C10orf67: variants seen among roughly 807,000 people sequenced by gnomAD.
C10orf67 encodes the protein chromosome 10 open reading frame 67, also known as uncharacterized protein C10orf67, mitochondrial.
Under a neutral mutation model 35.6 loss-of-function variants are expected in C10orf67, and 60 were observed. The observed-to-expected ratio is 1.68, with a 90% CI of 1.37 to 2.09. C10orf67 has a LOEUF of 2.09. Ranked by LOEUF, C10orf67 falls within the 30% of genes most tolerant of loss-of-function variation. The probability of loss-of-function intolerance (pLI) is 0.00; values close to 1 mark genes in which losing one functional copy is unlikely to be tolerated. For synonymous variants in C10orf67, 167 were observed against 115.8 expected, an observed-to-expected ratio of 1.44 and a Z score of -2.84; for missense variants, 474 against 330.2, an observed-to-expected ratio of 1.44 and a Z score of -3.38.
At chr10:23,225,995 C>CT (rs1409495720) in intron 13 of C10orf67, among the ~76,000 whole-genome samples, 1 of 152,074 alleles carries the variant, frequency 6.6e-6, no homozygotes, top group Non-Finnish European at 1.5e-5. Flanking sequence ...TAATGGGAGA[C>CT]TTTAACACCC....
intron 4 of C10orf67, among the ~76,000 whole-genome samples, chr10:23,306,672 G>C (rs1180920207): frequency 6.6e-6 from 1 of 152,084 alleles, no homozygotes; most frequent in Non-Finnish European, 1.5e-5. Context: ...TGGTGACTAT[G>C]GTTAATAACG....
chr10:23,261,683 C>G (rs1030004029), intron 10 of C10orf67, among the ~76,000 whole-genome samples: 1 of 152,134 alleles, frequency 6.6e-6, no homozygotes, highest in Non-Finnish European at 1.5e-5. Flanking sequence ...CATAAGCTAA[C>G]ACAACTTAAG....
chr10:23,253,655 T>C (rs998568439), intron 10 of C10orf67, among the ~76,000 whole-genome samples: 4 of 152,214 alleles, frequency 2.6e-5, no homozygotes, highest in African/African-American at 7.2e-5. Context: ...AGTGATTGAA[T>C]GCTTATTTAA....
chr10:23,259,729 C>A (rs1588624911), intron 10 of C10orf67, among the ~76,000 whole-genome samples: 1 of 151,894 alleles, frequency 6.6e-6, no homozygotes, highest in East Asian at 1.9e-4. Flanking sequence ...AAAAAAGAAT[C>A]AAATGGAAAT....
At chr10:23,225,874 T>A (rs1282525354) in intron 13 of C10orf67, among the ~76,000 whole-genome samples, 4 of 151,880 alleles carry the variant, frequency 2.6e-5, no homozygotes, top group Admixed American at 2.6e-4. Context: ...ATAAAGCAAG[T>A]CCTTAGAGAC....
chr10:23,257,212 G>T (rs1265984201), intron 10 of C10orf67, among the ~76,000 whole-genome samples: 4 of 152,178 alleles, frequency 2.6e-5, no homozygotes, highest in Non-Finnish European at 5.9e-5. Context: ...CAAGGCGAGT[G>T]AACTGCCCCA....
chr10:23,339,844 G>A (rs955531871), intron 1 of C10orf67, among the ~76,000 whole-genome samples: 2 of 152,194 alleles, frequency 1.3e-5, no homozygotes, highest in Admixed American at 6.5e-5. Context: ...TCTGCCTCCT[G>A]TCTGGACCCT....
chr10:23,324,095 G>C (rs1029846371), intron 2 of C10orf67, among the ~76,000 whole-genome samples: 1 of 150,396 alleles, frequency 6.6e-6, no homozygotes, highest in Non-Finnish European at 1.5e-5. Flanking sequence ...CCGAGTGGCT[G>C]TATCTCCACA....
At chr10:23,336,859 TCTC>T (rs902065277) in intron 1 of C10orf67, among the ~76,000 whole-genome samples, 16 of 151,746 alleles carry the variant, frequency 1.1e-4, no homozygotes, top group African/African-American at 3.4e-4. Flanking sequence ...AGCAATGAAG[TCTC>T]CTTGAAAAAA....
In C10orf67 at chr10:23,218,307, A is replaced by ATTTT. The variant is rs371926193; in HGVS notation, c.1570+5287_1570+5290dup. On this transcript the variant is annotated intron_variant, in intron 15 of 15. Transcript: ENST00000636213. ...AGGTTCACATCACTACACGAGGCTAATTTTTTTTTTTTTTTTTTTTTGTAG... is the reference window on the plus strand; with the variant it reads ...AGGTTCACATCACTACACGAGGCTAATTTTTTTTTTTTTTTTTTTTTTTTTGTAG... Among the ~76,000 whole-genome samples, 227 of 119,068 alleles carry ATTTT rather than the reference A, an allele frequency of 1.9e-3. 8 individuals are homozygous for ATTTT. In the South Asian group the frequency reaches 0.021, roughly 11 times the overall value. 78.1% of individuals were successfully genotyped at this position (119,068 alleles called of 152,430 possible).
intron 15 of C10orf67, among the ~76,000 whole-genome samples, chr10:23,220,859 G>A (rs1368051067): frequency 1.3e-5 from 2 of 152,162 alleles, no homozygotes; most frequent in East Asian, 1.9e-4. Context: ...TATAGCCTAA[G>A]AAGTTCAACC....
intron 13 of C10orf67, among the ~76,000 whole-genome samples, chr10:23,234,287 T>C (rs1275370428): frequency 6.6e-6 from 1 of 152,150 alleles, no homozygotes; most frequent in Non-Finnish European, 1.5e-5. Flanking sequence ...TGCCCATCAA[T>C]GATATACTGG....
At chr10:23,308,304 C>T (rs1844364338) in intron 4 of C10orf67, among the ~76,000 whole-genome samples, 1 of 152,152 alleles carries the variant, frequency 6.6e-6, no homozygotes, top group South Asian at 2.1e-4. Context: ...AACTAGCCTC[C>T]CTGCCTCTTG....
chr10:23,261,788 G>A (rs1842756719), intron 10 of C10orf67, among the ~76,000 whole-genome samples: 1 of 152,114 alleles, frequency 6.6e-6, no homozygotes, highest in Non-Finnish European at 1.5e-5. Flanking sequence ...AATAGTAATA[G>A]ATGAATCAAT....
intron 5 of C10orf67, among the ~76,000 whole-genome samples, chr10:23,297,128 T>C (rs1843904366): frequency 6.6e-6 from 1 of 152,228 alleles, no homozygotes; most frequent in Non-Finnish European, 1.5e-5. Flanking sequence ...CTGGAGGGGA[T>C]TACCCCATAC....
intron 5 of C10orf67, among the ~76,000 whole-genome samples, chr10:23,292,254 T>G (rs549749763): frequency 9.0e-4 from 132 of 146,982 alleles, no homozygotes; most frequent in Non-Finnish European, 1.9e-3. Context: ...TAGATTTTAT[T>G]GCCATGCATT....
intron 4 of C10orf67, among the ~76,000 whole-genome samples, chr10:23,314,490 A>G (rs1342688242): frequency 2.5e-5 from 3 of 121,944 alleles, no homozygotes; most frequent in Admixed American, 1.5e-4. Flanking sequence ...TAAAACACAC[A>G]CACACACACA....
intron 4 of C10orf67, among the ~76,000 whole-genome samples, chr10:23,312,573 T>C (rs571454956): frequency 6.6e-6 from 1 of 152,132 alleles, no homozygotes; most frequent in Non-Finnish European, 1.5e-5. Context: ...GCTATAGGAG[T>C]GTCACTGCCT....
intron 4 of C10orf67, among the ~76,000 whole-genome samples, chr10:23,304,248 C>T (rs1327254955): frequency 1.3e-5 from 2 of 152,186 alleles, no homozygotes; most frequent in African/African-American, 4.8e-5. Flanking sequence ...AGCCCTTTAA[C>T]TTGGTCCCAG....
Sources: allele counts gnomAD v4.1 joint callset (sites outside exome capture counted in the v4.1 genomes callset), GRCh38; gene constraint gnomAD v4.1.1; transcripts MANE v1.5; gene names NCBI Gene and HGNC (gene_info 2026-07-23, HGNC 2026-07-21).